The following CREB3L3 variants were observed in gnomAD, a reference collection of about 807,000 sequenced individuals.
CREB3L3 encodes the protein cAMP responsive element binding protein 3 like 3.
A neutral mutation model predicts 44.6 loss-of-function variants in CREB3L3; 40 were observed. That is an observed-to-expected ratio of 0.90 (90% confidence interval 0.70 to 1.17). The LOEUF is 1.17. CREB3L3 is among the 50% of genes most tolerant of loss of function. The probability of loss-of-function intolerance (pLI) is 0.00; values close to 1 mark genes in which losing one functional copy is unlikely to be tolerated. For missense variants in CREB3L3, 578 were observed against 595.8 expected (o/e 0.97, Z 0.31); for synonymous variants, 273 against 256.3 (o/e 1.06, Z -0.62).
rs755298992 is a variant in CREB3L3, at chr19:4,171,977, C to G, written c.*8C>G. ...GCGGGAGACGAGCTGTGAGCCCCGC[C>G]AGGACTATGCTCCCAGGCCCCTCTG... On this transcript the variant is annotated 3_prime_UTR_variant, in exon 10 of 10. Coordinates refer to ENST00000078445, the MANE Select transcript of CREB3L3 (RefSeq NM_032607.3). This position sits in a 1 kb window ranked among gnomAD's most constrained non-coding sequence, Gnocchi z 4.9. 1.9e-6 allele frequency: 3 copies of G among 1,578,984 alleles called. No individual in the cohort carries two copies. Among genetic ancestry groups the G allele is most frequent in the Admixed American group, 3.6e-5 (2 of 55,692 alleles).
chr19:4,167,921 G>C (rs1168712921), intron 5 of CREB3L3, among the ~76,000 whole-genome samples: 3 of 151,368 alleles, frequency 2.0e-5, no homozygotes, highest in African/African-American at 7.3e-5. Flanking sequence ...AGGACAGTGG[G>C]GACTGTCGCA....
chr19:4,162,261 C>T (rs141265154), intron 4 of CREB3L3, among the ~76,000 whole-genome samples: 18,300 of 151,862 alleles, frequency 0.12, 1,182 homozygotes, highest in East Asian at 0.25. Flanking sequence ...CCGCCTCAGC[C>T]TCCCAAAGTG....
At chr19:4,156,326 T>G (rs912087587) in intron 2 of CREB3L3, among the ~76,000 whole-genome samples, 1 of 151,768 alleles carries the variant, frequency 6.6e-6, no homozygotes, top group African/African-American at 2.4e-5. Flanking sequence ...TAGCTGAGAT[T>G]ACAGGCATGT....
At chr19:4,162,019 A>C (rs1374893691) in intron 4 of CREB3L3, among the ~76,000 whole-genome samples, 2 of 152,018 alleles carry the variant, frequency 1.3e-5, no homozygotes, top group African/African-American at 4.8e-5. Flanking sequence ...TTATTTGTTT[A>C]TTTTTTGAGA....
In CREB3L3 at chr19:4,164,675, C is replaced by T. The variant is rs770519350; in HGVS notation, c.714+35C>T. ...GGGGGACTTCCAGCCCTGGATCCAT[C>T]TCCCCTTCGTGCACTTACCTGCATG... On this transcript the variant is annotated intron_variant, in intron 5 of 9. Coordinates refer to ENST00000078445, the MANE Select transcript of CREB3L3 (RefSeq NM_032607.3). The T allele has an allele frequency of 3.2e-5, 51 of 1,612,668 alleles. No homozygotes were observed. The Admixed American group carries it at 8.3e-4, about 26-fold the overall frequency.
In CREB3L3 at chr19:4,165,174, C is replaced by CA. The variant is rs2041709228; in HGVS notation, c.714+534_714+535insA. On this transcript the variant is annotated intron_variant, in intron 5 of 9. Coordinates refer to ENST00000078445, the MANE Select transcript of CREB3L3 (RefSeq NM_032607.3). ...GTGGCAGCAATTTGGGTGCAGCAAACTTTTTTTTTTTTTTGGAGATAGGGT... is the reference window on the plus strand; with the variant it reads ...GTGGCAGCAATTTGGGTGCAGCAAACATTTTTTTTTTTTTTGGAGATAGGGT... Among the ~76,000 whole-genome samples the CA allele has an allele frequency of 2.8e-5, 4 of 143,778 alleles. No individual in the cohort carries two copies. In the Admixed American group the frequency reaches 2.8e-4, roughly 10 times the overall value. 94.3% of individuals were successfully genotyped at this position (143,778 alleles called of 152,430 possible). A position where few individuals can be genotyped will look rare whatever the true frequency, so the allele number is the denominator to read the frequency against.
Position 4,165,690 on chromosome 19 carries a change from G to C in CREB3L3, c.714+1050G>C, listed in dbSNP as rs561953870. Among the ~76,000 whole-genome samples the C allele has an allele frequency of 4.3e-3, 656 of 151,910 alleles. 4 individuals carry two copies. The highest frequency in any genetic ancestry group is 0.015 in the African/African-American group (604 of 41,432). The stretch of plus-strand genomic sequence containing the variant: ...AGCCTGGCCAACATGGTGAAACCCC[G>C]TCTCTACTAAAATTACAAAAATTAG... On this transcript the variant is annotated intron_variant, in intron 5 of 9. Coordinates refer to ENST00000078445, the MANE Select transcript of CREB3L3 (RefSeq NM_032607.3).
chr19:4,159,729 C>A lies in CREB3L3; in HGVS notation c.523C>A (p.Arg175=), dbSNP rs531932249. The stretch of plus-strand genomic sequence containing the variant: ...GGCTGATCCGGTGGACCTGTCCCCA[C>A]GATGCAATCTCACCGTGAAAGACCT... ...KPADPVDLSP[R]CNLTVKDLLL... is the part of the protein sequence containing the mutation. Residue 175 remains arginine, a synonymous_variant, in exon 4 of 10, where the codon CGA becomes AGA. Transcript: ENST00000078445. 7.5e-6 allele frequency: 12 copies of A among 1,598,460 alleles called. No homozygotes were observed. The Admixed American group carries it at 8.3e-5, about 11-fold the overall frequency.
intron 5 of CREB3L3, among the ~76,000 whole-genome samples, chr19:4,167,480 GA>G: frequency 8.6e-6 from 1 of 115,608 alleles, no homozygotes; most frequent in East Asian, 3.1e-4. Flanking sequence ...GGAAGAAAAG[GA>G]AAGAAAGAGA....
chr19:4,168,102 C>G (rs1966961770), intron 5 of CREB3L3, among the ~76,000 whole-genome samples: 1 of 151,458 alleles, frequency 6.6e-6, no homozygotes, highest in South Asian at 2.1e-4. Context: ...GGGTTCATGC[C>G]ATTCTCCTGC....
chr19:4,155,952 T>C (rs1200650485), intron 2 of CREB3L3, among the ~76,000 whole-genome samples: 1 of 151,330 alleles, frequency 6.6e-6, no homozygotes, highest in Non-Finnish European at 1.5e-5. Flanking sequence ...TTTCACCATG[T>C]TGGCCAGGCT....
At chr19:4,154,199 G>A (rs898357143) in intron 1 of CREB3L3, among the ~76,000 whole-genome samples, 2 of 152,146 alleles carry the variant, frequency 1.3e-5, no homozygotes, top group South Asian at 4.1e-4. Context: ...AGCCTCCCAA[G>A]TAGTTGGGAT....
At position 4,172,028 on chromosome 19, in the gene CREB3L3, ACTGGGCAG is replaced by A; in HGVS notation, c.*62_*69del. ...CCCAGGGGTGCCTTGGGGATGCTGC[ACTGGGCAG>A]CTACCCACCTGGGGATGGGACGTGA... On this transcript the variant is annotated 3_prime_UTR_variant, in exon 10 of 10. Transcript: ENST00000078445. 6.8e-7 allele frequency: 1 copy of A among 1,472,752 alleles called. No homozygotes were observed. Among genetic ancestry groups the A allele is most frequent in the African/African-American group, 1.4e-5 (1 of 71,750 alleles). The allele number at this position is 1,472,752 out of a possible 1,614,324, so 91.2% of individuals were successfully genotyped here. A position where few individuals can be genotyped will look rare whatever the true frequency, so the allele number is the denominator to read the frequency against.
rs754868165 is a variant in CREB3L3 at position 4,164,657 on chromosome 19, T to G, written c.714+17T>G. The stretch of plus-strand genomic sequence containing the variant: ...CTCACTAAGGTGAGTCTGGGGGGAC[T>G]TCCAGCCCTGGATCCATCTCCCCTT... On this transcript the variant is annotated intron_variant, in intron 5 of 9. Coordinates refer to ENST00000078445, the MANE Select transcript of CREB3L3 (RefSeq NM_032607.3). 3 of 1,613,796 alleles carry G rather than the reference T, an allele frequency of 1.9e-6. No individual in the cohort carries two copies. The highest frequency in any genetic ancestry group is 2.5e-6 in the Non-Finnish European group (3 of 1,179,898).
intron 6 of CREB3L3, among the ~76,000 whole-genome samples, chr19:4,169,295 C>T (rs960902993): frequency 2.6e-5 from 4 of 151,380 alleles, no homozygotes; most frequent in Non-Finnish European, 4.4e-5. Context: ...ATCGAGACCA[C>T]GGTGAAACTC....
intron 6 of CREB3L3, among the ~76,000 whole-genome samples, chr19:4,169,047 TAAATGCA>T (rs1966985639): frequency 6.6e-6 from 1 of 151,914 alleles, no homozygotes; most frequent in Non-Finnish European, 1.5e-5. Context: ...TCCCCTTTCT[TAAATGCA>T]ATCTGCTAAG....
intron 4 of CREB3L3, among the ~76,000 whole-genome samples, chr19:4,162,643 G>T (rs905101318): frequency 6.6e-6 from 1 of 151,698 alleles, no homozygotes; most frequent in African/African-American, 2.4e-5. Context: ...ATGATCACAC[G>T]ACTGCACTCC....
Position 4,153,674 on chromosome 19 carries a change from C to T in CREB3L3, c.-74C>T, listed in dbSNP as rs564866135. 7.7e-5 allele frequency: 122 copies of T among 1,584,210 alleles called. No individual in the cohort carries two copies. The highest frequency in any genetic ancestry group is 5.6e-4 in the African/African-American group (42 of 74,462). Reference sequence around the variant, plus strand: ...TGTGAGCTTGCCCGGCCCCAGGTAACGCTGGCGGTGGGTGGGCCTCCAGCT... The same window carrying T: ...TGTGAGCTTGCCCGGCCCCAGGTAATGCTGGCGGTGGGTGGGCCTCCAGCT... On this transcript the variant is annotated 5_prime_UTR_variant, in exon 1 of 10. In the 5' UTR this introduces an upstream ATG that the reference lacks. Transcript: ENST00000078445.
At chr19:4,170,254 A>G (rs367862892) in intron 7 of CREB3L3, 46 bp downstream of exon 7, 1 of 1,583,000 alleles carries the variant, frequency 6.3e-7, no homozygotes, top group African/African-American at 1.3e-5. Flanking sequence ...AAGCAGCCCC[A>G]GAGTCCCTTT....
Sources: gnomAD v4.1 joint callset for allele counts (sites outside exome capture counted in the v4.1 genomes callset) on GRCh38, gnomAD v4.1.1 for gene constraint, Gnocchi (gnomAD v3.1) non-coding constraint, MANE v1.5 for transcripts, NCBI Gene and HGNC (gene_info 2026-07-23, HGNC 2026-07-21) for gene names.